The following KRABD1 variants were observed in gnomAD, a reference collection of about 807,000 sequenced individuals.
KRABD1 encodes KRAB domain-containing protein 1.
chr3:42,937,739 C>T, the KRABD1 span: 1 of 152,228 alleles, frequency 6.6e-6, no homozygotes, highest in Admixed American at 6.5e-5. Flanking sequence ...TCTGGCGTCT[C>T]CTGACAGCTG....
At chr3:42,937,398 C>T in the KRABD1 span, 2 of 152,200 alleles carry the variant, frequency 1.3e-5, no homozygotes, top group Non-Finnish European at 2.9e-5. Flanking sequence ...ATTTCCCTTT[C>T]GCAGATTGTC....
At chr3:42,941,390 C>T in the KRABD1 span, 45 of 1,537,612 alleles carry the variant, frequency 2.9e-5, no homozygotes, top group South Asian at 5.4e-4. Flanking sequence ...CTTGGGCCCT[C>T]AGGTTGAAGG....
the KRABD1 span, chr3:42,942,687 G>C: frequency 1.4e-6 from 1 of 721,930 alleles, no homozygotes; most frequent in Non-Finnish European, 2.2e-6. Context: ...GTAAGGAGTT[G>C]ATGTAAGAGC....
At chr3:42,942,365 A>C in the KRABD1 span, among the ~76,000 whole-genome samples, 3 of 152,202 alleles carry the variant, frequency 2.0e-5, no homozygotes, top group Non-Finnish European at 4.4e-5. Flanking sequence ...CAGTTTCTCC[A>C]GTTTTACAAA....
At chr3:42,942,186 C>G in the KRABD1 span, 1 of 731,944 alleles carries the variant, frequency 1.4e-6, no homozygotes. Flanking sequence ...CTGGGATCCT[C>G]GATCACATTT....
chr3:42,937,057 A>G, the KRABD1 span: 1 of 152,230 alleles, frequency 6.6e-6, no homozygotes, highest in Non-Finnish European at 1.5e-5. Context: ...TCCGTCATGC[A>G]CCTAATGTGT....
the KRABD1 span, chr3:42,937,636 A>G: frequency 2.2e-4 from 33 of 152,332 alleles, no homozygotes; most frequent in East Asian, 5.0e-3. Flanking sequence ...TTACTTGTGT[A>G]GGTTTACATT....
At chr3:42,938,350 T>G in the KRABD1 span, 1 of 152,258 alleles carries the variant, frequency 6.6e-6, no homozygotes, top group African/African-American at 2.4e-5. Context: ...CTGTTCAACT[T>G]TCATTACTTC....
the KRABD1 span, chr3:42,941,989 T>C: frequency 6.5e-7 from 1 of 1,535,890 alleles, no homozygotes; most frequent in African/African-American, 1.4e-5. Context: ...CTTTGGTCTC[T>C]CATCTGGAGC....
the KRABD1 span, chr3:42,938,917 A>G: frequency 6.5e-7 from 1 of 1,532,722 alleles, no homozygotes; most frequent in Non-Finnish European, 8.7e-7. Context: ...TGTGTCCTTA[A>G]CAACCAGGCC....
chr3:42,941,442 A>G, the KRABD1 span: 6 of 1,372,376 alleles, frequency 4.4e-6, no homozygotes, highest in South Asian at 6.2e-5. Flanking sequence ...AGCGATGTCA[A>G]AGGTTGCCAG....
chr3:42,938,854 T>G, the KRABD1 span: 3 of 1,468,006 alleles, frequency 2.0e-6, no homozygotes, highest in Non-Finnish European at 2.8e-6. Flanking sequence ...CTTCAGCACC[T>G]GAGACTTTTA....
the KRABD1 span, chr3:42,937,913 G>A: frequency 1.3e-5 from 2 of 152,192 alleles, no homozygotes; most frequent in Non-Finnish European, 1.5e-5. Flanking sequence ...GAGTTGGAAC[G>A]GAAGTTGTTT....
the KRABD1 span, among the ~76,000 whole-genome samples, chr3:42,939,277 A>G: frequency 6.6e-6 from 1 of 152,156 alleles, no homozygotes; most frequent in Admixed American, 6.5e-5. Context: ...TTACCATAGG[A>G]AAGTTTTGTT....
chr3:42,942,722 A>G, the KRABD1 span: 2 of 479,376 alleles, frequency 4.2e-6, no homozygotes, highest in Admixed American at 3.8e-5. Flanking sequence ...TCAAATACAC[A>G]TTTTCTTTTT....
chr3:42,942,231 C>G, the KRABD1 span, among the ~76,000 whole-genome samples: 2 of 152,106 alleles, frequency 1.3e-5, no homozygotes, highest in Non-Finnish European at 1.5e-5. Flanking sequence ...GCTTCCCATC[C>G]CTTTAAAGCG....
the KRABD1 span, chr3:42,938,767 C>A: frequency 1.8e-6 from 1 of 552,076 alleles, no homozygotes; most frequent in Non-Finnish European, 3.2e-6. Flanking sequence ...ATATAGCCTT[C>A]AAAACAGATG....
the KRABD1 span, chr3:42,938,851 A>T: frequency 7.0e-7 from 1 of 1,434,278 alleles, no homozygotes; most frequent in Non-Finnish European, 9.4e-7. Flanking sequence ...TACCTTCAGC[A>T]CCTGAGACTT....
At chr3:42,941,327 G>A in the KRABD1 span, 12 of 1,599,726 alleles carry the variant, frequency 7.5e-6, no homozygotes, top group Non-Finnish European at 9.3e-6. Context: ...TGATGCTGGA[G>A]AACTATGAGG....
Sources: allele counts gnomAD v4.1 joint callset (sites outside exome capture counted in the v4.1 genomes callset), GRCh38; gene constraint gnomAD v4.1.1; transcripts MANE v1.5; gene names NCBI Gene and HGNC (gene_info 2026-07-23, HGNC 2026-07-21).